RAPGEF5: variants seen among roughly 807,000 people sequenced by gnomAD.
RAPGEF5 encodes Rap guanine nucleotide exchange factor 5, also known as M-Ras-regulated GEF.
RAPGEF5 carries 65 observed loss-of-function variants against 125.2 expected under a neutral mutation model. That is an observed-to-expected ratio of 0.52 (90% CI 0.43 to 0.64). The LOEUF (loss-of-function observed/expected upper bound fraction) is 0.64. Among genes scored for constraint, RAPGEF5 ranks in the 30% least tolerant of loss-of-function variants. The probability of loss-of-function intolerance (pLI) is 0.00; values close to 1 mark genes in which losing one functional copy is unlikely to be tolerated. For missense variants in RAPGEF5, 958 were observed against 1,048.1 expected (o/e 0.91, Z 1.19); for synonymous variants, 391 against 385.9 (o/e 1.01, Z -0.16).
intron 3 of RAPGEF5, among the ~76,000 whole-genome samples, chr7:22,314,422 T>C (rs1460939204): frequency 6.6e-6 from 1 of 152,172 alleles, no homozygotes; most frequent in Non-Finnish European, 1.5e-5. Flanking sequence ...CTCACTCTGA[T>C]AGTCTGGGAA....
intron 7 of RAPGEF5, among the ~76,000 whole-genome samples, chr7:22,244,768 C>T (rs747698606): frequency 4.6e-5 from 7 of 152,052 alleles, no homozygotes; most frequent in Non-Finnish European, 8.8e-5. Context: ...AAATGGTAGG[C>T]GACCGCTGCT....
intron 8 of RAPGEF5, among the ~76,000 whole-genome samples, chr7:22,226,426 A>T (rs1785920845): frequency 1.3e-5 from 2 of 152,148 alleles, no homozygotes; most frequent in Admixed American, 6.5e-5. Context: ...AATATTAAGA[A>T]TTTTTTTCCA....
chr7:22,339,984 T>G (rs1362183273), intron 1 of RAPGEF5, among the ~76,000 whole-genome samples: 3 of 152,122 alleles, frequency 2.0e-5, no homozygotes, highest in African/African-American at 7.3e-5. Flanking sequence ...TTATGGGAAG[T>G]GGGGAATGTG....
At chr7:22,225,033 T>A (rs1785886843) in intron 8 of RAPGEF5, among the ~76,000 whole-genome samples, 1 of 152,204 alleles carries the variant, frequency 6.6e-6, no homozygotes, top group Non-Finnish European at 1.5e-5. Context: ...TGGCACACGC[T>A]TATAATCCCT....
chr7:22,206,507 G>A (rs1208834310), intron 9 of RAPGEF5, among the ~76,000 whole-genome samples: 1 of 152,084 alleles, frequency 6.6e-6, no homozygotes, highest in Non-Finnish European at 1.5e-5. Flanking sequence ...TTGGAGACCA[G>A]CCTGGGCAAC....
intron 6 of RAPGEF5, among the ~76,000 whole-genome samples, chr7:22,290,712 T>C (rs1583552935): frequency 7.9e-6 from 1 of 127,296 alleles, no homozygotes; most frequent in Non-Finnish European, 1.6e-5. Context: ...GCCGCTGCAC[T>C]CCAGCCTGGG....
chr7:22,254,844 C>T (rs552067419), intron 7 of RAPGEF5, among the ~76,000 whole-genome samples: 44 of 152,178 alleles, frequency 2.9e-4, no homozygotes, highest in African/African-American at 1.0e-3. Flanking sequence ...CAACAGGGGT[C>T]GCGCACCTGT....
chr7:22,118,896 C>T lies in RAPGEF5; in HGVS notation c.*3510G>A, dbSNP rs1212239932. 7.7e-6 allele frequency: 1 copy of T among 130,532 alleles called. No individual in the cohort carries two copies. Among genetic ancestry groups the T allele is most frequent in the Non-Finnish European group, 1.6e-5 (1 of 62,878 alleles). The allele number at this position is 130,532 out of a possible 1,614,324, so 8.1% of individuals were successfully genotyped here. Reference sequence around the variant, plus strand: ...TTTTGGCAATTTTTAAAAACTTCCCCCCCGCCCCCCCACCAGTTTTAAGCA... The same window carrying T: ...TTTTGGCAATTTTTAAAAACTTCCCTCCCGCCCCCCCACCAGTTTTAAGCA... On this transcript the variant is annotated 3_prime_UTR_variant, in exon 26 of 26. Coordinates refer to ENST00000665637, the MANE Select transcript of RAPGEF5 (RefSeq NM_012294.5).
chr7:22,309,694 G>GCA (rs1783425207), intron 4 of RAPGEF5, among the ~76,000 whole-genome samples: 1 of 152,162 alleles, frequency 6.6e-6, no homozygotes, highest in South Asian at 2.1e-4. Flanking sequence ...TTTGTAAGCA[G>GCA]CATATTGAGT....
chr7:22,333,257 C>T (rs967227777), intron 1 of RAPGEF5, among the ~76,000 whole-genome samples: 2 of 150,580 alleles, frequency 1.3e-5, no homozygotes, highest in Non-Finnish European at 2.9e-5. Flanking sequence ...TGACTATATA[C>T]CCAGATACAG....
At chr7:22,234,341 A>G (rs916063064) in intron 7 of RAPGEF5, among the ~76,000 whole-genome samples, 1 of 152,174 alleles carries the variant, frequency 6.6e-6, no homozygotes, top group Non-Finnish European at 1.5e-5. Flanking sequence ...TCTGATCAGA[A>G]TAAGAGTTGG....
chr7:22,144,400 A>G (rs1859805), intron 20 of RAPGEF5, among the ~76,000 whole-genome samples: 68,150 of 152,080 alleles, frequency 0.45, 15,416 homozygotes, highest in South Asian at 0.53. Context: ...GCATTTGAAA[A>G]TCGGGTAACT....
intron 11 of RAPGEF5, among the ~76,000 whole-genome samples, chr7:22,184,304 T>C (rs142185770): frequency 6.6e-6 from 1 of 152,222 alleles, no homozygotes; most frequent in Admixed American, 6.5e-5. Flanking sequence ...AAAGTATTCA[T>C]CTCTCCACAT....
intron 7 of RAPGEF5, among the ~76,000 whole-genome samples, chr7:22,235,836 A>C (rs1337837992): frequency 6.6e-6 from 1 of 152,152 alleles, no homozygotes; most frequent in East Asian, 1.9e-4. Context: ...TAGACACTAT[A>C]CTCATTTTTG....
intron 5 of RAPGEF5, among the ~76,000 whole-genome samples, chr7:22,307,587 A>G (rs1294031200): frequency 6.6e-6 from 1 of 152,050 alleles, no homozygotes; most frequent in Non-Finnish European, 1.5e-5. Context: ...AATAAGAGTT[A>G]CCCTTGTTAT....
intron 1 of RAPGEF5, among the ~76,000 whole-genome samples, chr7:22,331,752 A>AG (rs1562532618): frequency 6.6e-6 from 1 of 151,562 alleles, no homozygotes; most frequent in African/African-American, 2.4e-5. Flanking sequence ...CTCAAAAAAA[A>AG]AAAAAAAAAG....
chr7:22,202,058 G>C (rs1031380866), intron 9 of RAPGEF5, among the ~76,000 whole-genome samples: 1 of 152,220 alleles, frequency 6.6e-6, no homozygotes, highest in Non-Finnish European at 1.5e-5. Flanking sequence ...CAAAGAGGCA[G>C]AGGTTCAGTC....
chr7:22,120,593 C>A lies in RAPGEF5; in HGVS notation c.*1813G>T, dbSNP rs972498551. ...GGAGGGCTTTGGAGGGTTTGCTCAG[C>A]CCAGCCGTGAGGGAAGTCTGCTCTC... On this transcript the variant is annotated 3_prime_UTR_variant, in exon 26 of 26. Coordinates refer to ENST00000665637, the MANE Select transcript of RAPGEF5 (RefSeq NM_012294.5). This position sits in a 1 kb window ranked among gnomAD's most constrained non-coding sequence, Gnocchi z 4.0. The A allele has an allele frequency of 6.6e-6, 1 of 152,648 alleles. No individual in the cohort carries two copies. Among genetic ancestry groups the A allele is most frequent in the African/African-American group, 2.4e-5 (1 of 41,444 alleles). 9.5% of individuals were successfully genotyped at this position (152,648 alleles called of 1,614,324 possible). A position where few individuals can be genotyped will look rare whatever the true frequency, so the allele number is the denominator to read the frequency against.
intron 4 of RAPGEF5, among the ~76,000 whole-genome samples, chr7:22,309,167 CA>C (rs953720032): frequency 5.0e-4 from 76 of 152,278 alleles, no homozygotes; most frequent in African/African-American, 1.6e-3. Flanking sequence ...TTTTGCTAAC[CA>C]AAAGCCTGAA....
Sources: gnomAD v4.1 joint callset for allele counts (sites outside exome capture counted in the v4.1 genomes callset) on GRCh38, gnomAD v4.1.1 for gene constraint, Gnocchi (gnomAD v3.1) non-coding constraint, MANE v1.5 for transcripts, NCBI Gene and HGNC (gene_info 2026-07-23, HGNC 2026-07-21) for gene names.